The following CALN1 variants were observed in gnomAD, a reference collection of about 807,000 sequenced individuals.
CALN1 encodes calcium-binding protein 8.
Under a neutral mutation model 30.6 loss-of-function variants are expected in CALN1, and 17 were observed. The ratio of observed to expected loss-of-function variants is 0.56; its 90% CI spans 0.38 to 0.83. The LOEUF (loss-of-function observed/expected upper bound fraction) is 0.83, where lower values mean the gene tolerates loss of function less well. CALN1 is among the 40% of genes least tolerant of loss of function. The probability of loss-of-function intolerance (pLI) is 0.00; values close to 1 mark genes in which losing one functional copy is unlikely to be tolerated. For synonymous variants in CALN1, 156 were observed against 131.4 expected, an observed-to-expected ratio of 1.19 and a Z score of -1.28; for missense variants, 291 against 354.9, an observed-to-expected ratio of 0.82 and a Z score of 1.45.
chr7:72,293,566 C>T (rs1238800477), intron 2 of CALN1, among the ~76,000 whole-genome samples: 1 of 152,126 alleles, frequency 6.6e-6, no homozygotes, highest in Non-Finnish European at 1.5e-5. Flanking sequence ...AGTTTGCAAA[C>T]ATCAAGCCCT....
intron 4 of CALN1, among the ~76,000 whole-genome samples, chr7:72,024,040 G>C (rs956948661): frequency 9.9e-5 from 15 of 152,082 alleles, no homozygotes; most frequent in African/African-American, 3.6e-4. Context: ...ACTTAACATG[G>C]TTATACCTCA....
rs1400942940 is a variant in CALN1 at position 71,946,369 on chromosome 7, T to TTC, written c.501+77287_501+77288insGA. On this transcript the variant is annotated intron_variant, in intron 5 of 6. Coordinates refer to ENST00000395275, the MANE Select transcript of CALN1 (RefSeq NM_031468.4). The stretch of plus-strand genomic sequence containing the variant: ...TAGCGGGTTCCATTTCTTTCTTTCT[T>TTC]TTTTTTTTTTTTTTTTGAGACAGGG... 2.9e-3 allele frequency among the ~76,000 whole-genome samples: 301 copies of TTC among 102,270 alleles called. 1 individual carries two copies. The highest frequency in any genetic ancestry group is 0.011 in the African/African-American group (292 of 26,868). 67.1% of individuals were successfully genotyped at this position (102,270 alleles called of 152,430 possible).
At chr7:72,077,526 G>A (rs1449247410) in intron 4 of CALN1, among the ~76,000 whole-genome samples, 4 of 152,222 alleles carry the variant, frequency 2.6e-5, no homozygotes, top group East Asian at 1.9e-4. Context: ...TGCCCGCCTC[G>A]GCCTCCCAAA....
intron 1 of CALN1, among the ~76,000 whole-genome samples, chr7:72,433,874 T>G (rs1175330232): frequency 6.6e-6 from 1 of 151,798 alleles, no homozygotes; most frequent in African/African-American, 2.4e-5. Flanking sequence ...CTGGGCAACA[T>G]AACAAGGCCC....
Position 72,020,834 on chromosome 7 carries a change from G to A in CALN1, c.501+2823C>T, listed in dbSNP as rs10259189. 4.1e-3 allele frequency among the ~76,000 whole-genome samples: 624 copies of A among 152,310 alleles called. 3 individuals are homozygous for A. The highest frequency in any genetic ancestry group is 0.014 in the African/African-American group (570 of 41,568). ...TACACGCTCTACTGTGATGAACCTG[G>A]AAGACAGGAGGAGTAGGAGTGTAGA... On this transcript the variant is annotated intron_variant, in intron 5 of 6. Transcript: ENST00000395275.
At chr7:72,190,700 A>ACTTGAGT (rs1790535167) in intron 3 of CALN1, among the ~76,000 whole-genome samples, 2 of 152,242 alleles carry the variant, frequency 1.3e-5, no homozygotes, top group Admixed American at 1.3e-4. Flanking sequence ...AGTCCTTTGT[A>ACTTGAGT]CCTTGAATAT....
intron 2 of CALN1, among the ~76,000 whole-genome samples, chr7:72,370,696 C>T (rs1484497814): frequency 6.6e-6 from 1 of 150,852 alleles, no homozygotes; most frequent in African/African-American, 2.4e-5. Flanking sequence ...AGGCAATTGA[C>T]AAATTTTTTT....
the CALN1 span, among the ~76,000 whole-genome samples, chr7:72,473,929 A>T: frequency 7.6e-6 from 1 of 131,480 alleles, no homozygotes; most frequent in East Asian, 2.0e-4. Flanking sequence ...ACTCTGTTTA[A>T]AAAAAAAAAA....
intron 2 of CALN1, among the ~76,000 whole-genome samples, chr7:72,342,423 T>G (rs1802427683): frequency 6.6e-6 from 1 of 152,178 alleles, no homozygotes; most frequent in African/African-American, 2.4e-5. Flanking sequence ...TTATTCAATA[T>G]ATGTGGTCAA....
At chr7:71,973,486 T>G (rs2129526535) in intron 5 of CALN1, among the ~76,000 whole-genome samples, 1 of 152,254 alleles carries the variant, frequency 6.6e-6, no homozygotes, top group Admixed American at 6.5e-5. Context: ...TGAATTCTGG[T>G]TTGAGTATTC....
chr7:71,931,837 T>C (rs1398162363), intron 5 of CALN1, among the ~76,000 whole-genome samples: 4 of 151,168 alleles, frequency 2.6e-5, no homozygotes, highest in Admixed American at 2.0e-4. Flanking sequence ...CTTCCCAAAG[T>C]GTAGAGGAGC....
At chr7:71,931,519 G>A (rs1016290631) in intron 5 of CALN1, among the ~76,000 whole-genome samples, 51 of 151,738 alleles carry the variant, frequency 3.4e-4, no homozygotes, top group African/African-American at 1.2e-3. Context: ...GGCCTACTTT[G>A]GCCTCCCAAA....
At chr7:72,153,057 G>C (rs757103954) in intron 3 of CALN1, among the ~76,000 whole-genome samples, 1 of 152,122 alleles carries the variant, frequency 6.6e-6, no homozygotes, top group African/African-American at 2.4e-5. Context: ...GGGCTCCCCC[G>C]GCTACCAGAA....
At chr7:72,467,880 C>G in the CALN1 span, among the ~76,000 whole-genome samples, 5 of 152,174 alleles carry the variant, frequency 3.3e-5, no homozygotes, top group Non-Finnish European at 7.3e-5. Context: ...ACTTCCCGTT[C>G]CCCTCTACCC....
At chr7:72,393,009 A>G (rs1399080047) in intron 2 of CALN1, among the ~76,000 whole-genome samples, 1 of 152,036 alleles carries the variant, frequency 6.6e-6, no homozygotes, top group East Asian at 1.9e-4. Context: ...TAAAAAAAAA[A>G]TTAATACAAA....
At chr7:72,235,278 A>G (rs1458784060) in intron 3 of CALN1, among the ~76,000 whole-genome samples, 1 of 151,388 alleles carries the variant, frequency 6.6e-6, no homozygotes, top group African/African-American at 2.4e-5. Flanking sequence ...TGTCTCAAAA[A>G]TAAATAAATA....
chr7:72,487,713 A>AAAGAAAG, the CALN1 span, among the ~76,000 whole-genome samples: 148 of 68,656 alleles, frequency 2.2e-3, 14 homozygotes, highest in African/African-American at 6.7e-3. Flanking sequence ...AAAAGAAAAG[A>AAAGAAAG]AAAGAAAGAA....
rs368862053 is a variant in CALN1 at position 71,851,132 on chromosome 7, C to T, written c.502-40640G>A. Among the ~76,000 whole-genome samples, 6 of 150,950 alleles carry T rather than the reference C, an allele frequency of 4.0e-5. No homozygotes were observed. In the East Asian group the frequency reaches 7.9e-4, roughly 20 times the overall value. ...TTGGGAGGCTAAGGTGTGAGGGTTG[C>T]GTGAACCCAAGTTACAGTGACCTGT... On this transcript the variant is annotated intron_variant, in intron 5 of 6. Coordinates refer to ENST00000395275, the MANE Select transcript of CALN1 (RefSeq NM_031468.4).
At chr7:72,137,662 T>C (rs894659146) in intron 3 of CALN1, among the ~76,000 whole-genome samples, 2 of 152,208 alleles carry the variant, frequency 1.3e-5, no homozygotes, top group Non-Finnish European at 2.9e-5. Flanking sequence ...AAGAAATTAT[T>C]TGGATAACTG....
Sources: gnomAD v4.1 joint callset for allele counts (sites outside exome capture counted in the v4.1 genomes callset) on GRCh38, gnomAD v4.1.1 for gene constraint, MANE v1.5 for transcripts, NCBI Gene and HGNC (gene_info 2026-07-23, HGNC 2026-07-21) for gene names.